EPHA5: variants seen among roughly 807,000 people sequenced by gnomAD.
EPHA5 encodes the protein ephrin type-A receptor 5.
A neutral mutation model predicts 105.0 loss-of-function variants in EPHA5; 60 were observed. The ratio of observed to expected loss-of-function variants is 0.57; its 90% CI spans 0.46 to 0.71. EPHA5 has a LOEUF of 0.71. Ranked by LOEUF, EPHA5 falls within the 30% of genes least tolerant of loss-of-function variation. EPHA5 has a pLI of 0.00. For missense variants in EPHA5, 1,218 were observed against 1,274.7 expected (o/e 0.96, Z 0.68); for synonymous variants, 513 against 449.1 (o/e 1.14, Z -1.80).
At chr4:65,393,559 T>C (rs1235706321) in intron 8 of EPHA5, among the ~76,000 whole-genome samples, 1 of 152,206 alleles carries the variant, frequency 6.6e-6, no homozygotes, top group Non-Finnish European at 1.5e-5. Flanking sequence ...TATCACAGTG[T>C]CCCAAGGTTT....
intron 5 of EPHA5, among the ~76,000 whole-genome samples, chr4:65,440,646 T>C (rs1725925627): frequency 6.6e-6 from 1 of 152,024 alleles, no homozygotes; most frequent in South Asian, 2.1e-4. Flanking sequence ...GCATCAGGTC[T>C]AGTAATCATA....
intron 3 of EPHA5, chr4:65,573,787 G>T: frequency 6.2e-7 from 1 of 1,613,366 alleles, no homozygotes; most frequent in South Asian, 1.1e-5. Flanking sequence ...GTTAAACTTC[G>T]CAAAATGCCT....
chr4:65,547,504 G>T (rs541659525), intron 3 of EPHA5, among the ~76,000 whole-genome samples: 1 of 151,410 alleles, frequency 6.6e-6, no homozygotes, highest in Admixed American at 6.6e-5. Flanking sequence ...TTTTTTCCTG[G>T]TGTTATATTA....
At chr4:65,541,693 C>G (rs968730204) in intron 3 of EPHA5, among the ~76,000 whole-genome samples, 9 of 151,742 alleles carry the variant, frequency 5.9e-5, no homozygotes, top group Admixed American at 4.0e-4. Context: ...ACAGATAAAT[C>G]AGACAGACAA....
intron 2 of EPHA5, among the ~76,000 whole-genome samples, chr4:65,624,964 G>A (rs1191505867): frequency 1.3e-5 from 2 of 152,026 alleles, no homozygotes; most frequent in Non-Finnish European, 2.9e-5. Context: ...GTGTTAAAAA[G>A]ATAAATGTAT....
intron 3 of EPHA5, among the ~76,000 whole-genome samples, chr4:65,519,823 A>G (rs1734497628): frequency 6.6e-6 from 1 of 152,164 alleles, no homozygotes; most frequent in African/African-American, 2.4e-5. Flanking sequence ...CTTACAAGTG[A>G]TGTGAAGGAC....
intron 7 of EPHA5, 97 bp downstream of exon 7, chr4:65,414,187 T>G (rs1036680327): frequency 1.9e-6 from 2 of 1,047,042 alleles, no homozygotes; most frequent in African/African-American, 1.6e-5. Flanking sequence ...AGAGGGAGAG[T>G]GAGACTGACA....
chr4:65,531,824 C>T (rs1735829747), intron 3 of EPHA5, among the ~76,000 whole-genome samples: 1 of 152,190 alleles, frequency 6.6e-6, no homozygotes, highest in Non-Finnish European at 1.5e-5. Flanking sequence ...AACTCTCAGG[C>T]TTCTTTTACA....
intron 13 of EPHA5, among the ~76,000 whole-genome samples, chr4:65,348,656 G>GGA (rs1207654203): frequency 2.6e-5 from 1 of 37,968 alleles, no homozygotes; most frequent in African/African-American, 1.0e-4. Context: ...CATAAACATT[G>GGA]GAGATATATA....
intron 2 of EPHA5, among the ~76,000 whole-genome samples, chr4:65,615,951 T>C (rs1335336209): frequency 6.6e-6 from 1 of 151,872 alleles, no homozygotes; most frequent in Non-Finnish European, 1.5e-5. Flanking sequence ...ACCTGGTAAA[T>C]AACAACTTAC....
At chr4:65,646,781 C>T (rs1317829108) in intron 1 of EPHA5, among the ~76,000 whole-genome samples, 2 of 151,994 alleles carry the variant, frequency 1.3e-5, no homozygotes, top group Non-Finnish European at 2.9e-5. Flanking sequence ...CAAAATAATA[C>T]TTCAATTTAA....
intron 5 of EPHA5, among the ~76,000 whole-genome samples, chr4:65,431,683 G>T (rs772504764): frequency 1.3e-5 from 2 of 152,152 alleles, no homozygotes; most frequent in South Asian, 2.1e-4. Flanking sequence ...AATTCCACGT[G>T]TCCTGGCCAG....
chr4:65,492,734 G>A (rs1051522665), intron 4 of EPHA5, among the ~76,000 whole-genome samples: 1 of 152,068 alleles, frequency 6.6e-6, no homozygotes, highest in East Asian at 1.9e-4. Flanking sequence ...ATCGTAAACA[G>A]TGCTGCAATA....
intron 8 of EPHA5, among the ~76,000 whole-genome samples, chr4:65,387,874 A>T (rs1239383541): frequency 6.6e-6 from 1 of 151,032 alleles, no homozygotes; most frequent in African/African-American, 2.4e-5. Flanking sequence ...TGTGCAGGTT[A>T]GTTACATATG....
chr4:65,435,861 T>A (rs1725426552), intron 5 of EPHA5, among the ~76,000 whole-genome samples: 1 of 152,114 alleles, frequency 6.6e-6, no homozygotes, highest in African/African-American at 2.4e-5. Flanking sequence ...GATTCAATTA[T>A]CTGACTGCAT....
At chr4:65,518,049 G>A (rs1190945151) in intron 3 of EPHA5, among the ~76,000 whole-genome samples, 2 of 151,802 alleles carry the variant, frequency 1.3e-5, no homozygotes, top group South Asian at 2.1e-4. Flanking sequence ...TTAATTTTCT[G>A]TCTTACAAAT....
chr4:65,504,555 G>A lies in EPHA5; in HGVS notation c.911-9012C>T, dbSNP rs560172861. Reference sequence around the variant, plus strand: ...AGTTTTACAAGTCTAAATGCCAAGGGTATGGAAAAATATTTATGGAAAGAC... The same window carrying A: ...AGTTTTACAAGTCTAAATGCCAAGGATATGGAAAAATATTTATGGAAAGAC... On this transcript the variant is annotated intron_variant, in intron 3 of 16. Transcript: ENST00000613740. Among the ~76,000 whole-genome samples, 12 of 151,856 alleles carry A rather than the reference G, an allele frequency of 7.9e-5. No individual in the cohort carries two copies. The South Asian group carries it at 2.5e-3, about 31-fold the overall frequency.
At position 65,387,139 on chromosome 4, in the gene EPHA5, G is replaced by A. The variant is rs189293009; in HGVS notation, c.1793+17235C>T. On this transcript the variant is annotated intron_variant, in intron 8 of 16. Coordinates refer to ENST00000613740, the MANE Select transcript of EPHA5 (RefSeq NM_001281766.3). ...GTCTATGGAGACACAATGCAGTGGG[G>A]GCGGGGGTTGGGCGGTAAGTGGAAG... Among the ~76,000 whole-genome samples, 564 of 152,024 alleles carry A rather than the reference G, an allele frequency of 3.7e-3. 3 individuals are homozygous for A. Among genetic ancestry groups the A allele is most frequent in the Non-Finnish European group, 4.8e-3 (326 of 67,938 alleles).
intron 5 of EPHA5, among the ~76,000 whole-genome samples, chr4:65,460,110 A>G (rs1192050633): frequency 2.6e-5 from 4 of 151,660 alleles, no homozygotes; most frequent in African/African-American, 9.7e-5. Context: ...TCTAATGTAA[A>G]GATAATTAAG....
Sources: gnomAD v4.1 joint callset for allele counts (sites outside exome capture counted in the v4.1 genomes callset) on GRCh38, gnomAD v4.1.1 for gene constraint, MANE v1.5 for transcripts, NCBI Gene and HGNC (gene_info 2026-07-23, HGNC 2026-07-21) for gene names.